SLC16A12: variants seen among roughly 807,000 people sequenced by gnomAD.
SLC16A12 encodes solute carrier family 16 member 12, also known as monocarboxylate transporter 12.
In SLC16A12, 17 loss-of-function variants were observed where a neutral mutation model predicts 42.4. The ratio of observed to expected loss-of-function variants is 0.40; its 90% CI spans 0.27 to 0.60. The LOEUF (loss-of-function observed/expected upper bound fraction) is 0.60, where lower values mean the gene tolerates loss of function less well. SLC16A12 is among the 20% of genes least tolerant of loss of function. The probability of loss-of-function intolerance (pLI) is 0.42; values close to 1 mark genes in which losing one functional copy is unlikely to be tolerated. For synonymous variants in SLC16A12, 224 were observed against 229.4 expected, an observed-to-expected ratio of 0.98 and a Z score of 0.21; for missense variants, 544 against 623.0, an observed-to-expected ratio of 0.87 and a Z score of 1.35.
intron 5 of SLC16A12, among the ~76,000 whole-genome samples, chr10:89,439,884 C>A (rs1841874822): frequency 1.3e-5 from 2 of 151,082 alleles, no homozygotes; most frequent in Non-Finnish European, 3.0e-5. Context: ...CCAGCCTGGG[C>A]AATATGGCAA....
chr10:89,497,664 A>G (rs1002977037), intron 2 of SLC16A12, among the ~76,000 whole-genome samples: 1 of 152,176 alleles, frequency 6.6e-6, no homozygotes, highest in Non-Finnish European at 1.5e-5. Flanking sequence ...AATCTAGCAT[A>G]CATCCTCATC....
At chr10:89,518,260 A>G (rs1589722064) in intron 2 of SLC16A12, among the ~76,000 whole-genome samples, 1 of 152,308 alleles carries the variant, frequency 6.6e-6, no homozygotes. Context: ...CTCCTTTCCC[A>G]AAAGGTTGGC....
chr10:89,550,102 T>C (rs924866948), intron 2 of SLC16A12, among the ~76,000 whole-genome samples: 14 of 152,168 alleles, frequency 9.2e-5, no homozygotes, highest in African/African-American at 3.4e-4. Flanking sequence ...CCATCTGCAC[T>C]GTGACAACAT....
intron 4 of SLC16A12, among the ~76,000 whole-genome samples, chr10:89,441,694 AGG>A (rs987494562): frequency 1.3e-5 from 2 of 152,206 alleles, no homozygotes; most frequent in Non-Finnish European, 2.9e-5. Flanking sequence ...GTAAAAGACC[AGG>A]GAGAGAGATC....
intron 2 of SLC16A12, among the ~76,000 whole-genome samples, chr10:89,555,366 T>C (rs1278146726): frequency 6.6e-6 from 1 of 151,634 alleles, no homozygotes; most frequent in Non-Finnish European, 1.5e-5. Flanking sequence ...TAAATTGCAT[T>C]GGTTTAAATG....
At chr10:89,520,720 CAAAAAAA>C (rs10712043) in intron 2 of SLC16A12, among the ~76,000 whole-genome samples, 2 of 100,128 alleles carry the variant, frequency 2.0e-5, no homozygotes, top group African/African-American at 4.0e-5. Flanking sequence ...TCACATAGGC[CAAAAAAA>C]AAAAAAAAAA....
intron 2 of SLC16A12, among the ~76,000 whole-genome samples, chr10:89,484,668 C>A (rs931498742): frequency 2.0e-5 from 3 of 152,146 alleles, no homozygotes; most frequent in Non-Finnish European, 4.4e-5. Flanking sequence ...AGCTCCGAAG[C>A]CTGTGCTCTT....
chr10:89,498,314 A>G (rs1472460165), intron 2 of SLC16A12, among the ~76,000 whole-genome samples: 1 of 152,192 alleles, frequency 6.6e-6, no homozygotes, highest in East Asian at 1.9e-4. Context: ...CCTGGTTAAC[A>G]AAAAGAGACT....
At chr10:89,476,018 G>A (rs569058156) in intron 2 of SLC16A12, among the ~76,000 whole-genome samples, 6 of 152,204 alleles carry the variant, frequency 3.9e-5, no homozygotes, top group Non-Finnish European at 8.8e-5. Context: ...ATTTTCTGCA[G>A]TAATAGGGTT....
intron 2 of SLC16A12, among the ~76,000 whole-genome samples, chr10:89,480,535 AAAGT>A (rs1453834966): frequency 1.3e-5 from 2 of 152,222 alleles, no homozygotes; most frequent in Non-Finnish European, 2.9e-5. Context: ...TCCAAACTAA[AAAGT>A]AAGAGACTGT....
chr10:89,516,022 T>C (rs1313075268), intron 2 of SLC16A12, among the ~76,000 whole-genome samples: 2 of 152,184 alleles, frequency 1.3e-5, no homozygotes, highest in Admixed American at 1.3e-4. Flanking sequence ...GTAAATCTTA[T>C]GTATGCAGAA....
chr10:89,439,979 G>C (rs931655498), intron 5 of SLC16A12, among the ~76,000 whole-genome samples: 1 of 151,030 alleles, frequency 6.6e-6, no homozygotes, highest in African/African-American at 2.4e-5. Flanking sequence ...GGAGGCTGAA[G>C]GGGGAGGATG....
At chr10:89,539,678 C>T (rs554667150), upstream of SLC16A12, among the ~76,000 whole-genome samples, 1 of 152,266 alleles carries the variant, frequency 6.6e-6, no homozygotes, top group South Asian at 2.1e-4. Flanking sequence ...AGGATGAAAC[C>T]TTAAGGCTTT....
intron 2 of SLC16A12, chr10:89,468,237 C>A (rs1564579253): frequency 6.6e-6 from 1 of 152,146 alleles, no homozygotes; most frequent in Non-Finnish European, 1.5e-5. Context: ...TCATGGGACA[C>A]CAGGGTGGGG....
intron 2 of SLC16A12, among the ~76,000 whole-genome samples, chr10:89,518,377 C>T (rs902712563): frequency 6.6e-6 from 1 of 152,168 alleles, no homozygotes; most frequent in African/African-American, 2.4e-5. Context: ...CTGGAGAAGA[C>T]AAGTCGTGCC....
intron 2 of SLC16A12, among the ~76,000 whole-genome samples, chr10:89,492,426 T>TA (rs148324730): frequency 2.5e-4 from 37 of 148,610 alleles, no homozygotes; most frequent in South Asian, 1.7e-3. Flanking sequence ...AAAGGACTTG[T>TA]AAAAAAAAAA....
At chr10:89,525,937 G>A (rs1372020097) in intron 2 of SLC16A12, among the ~76,000 whole-genome samples, 2 of 152,122 alleles carry the variant, frequency 1.3e-5, no homozygotes, top group Admixed American at 1.3e-4. Context: ...ATAATTTTAT[G>A]TCAAAAAATG....
intron 2 of SLC16A12, among the ~76,000 whole-genome samples, chr10:89,554,056 GAAAGAAAGAA>G (rs1843788474): frequency 1.0e-4 from 8 of 76,588 alleles, no homozygotes; most frequent in Middle Eastern, 4.8e-3. Flanking sequence ...AAGAAAGAAA[GAAAGAAAGAA>G]AGAAAGAAAG....
chr10:89,481,554 CA>C (rs1325192318), intron 2 of SLC16A12, among the ~76,000 whole-genome samples: 6 of 151,428 alleles, frequency 4.0e-5, no homozygotes, highest in African/African-American at 1.5e-4. Flanking sequence ...CCCAAGAAGC[CA>C]AAAACAAGAA....
Sources: gnomAD v4.1 joint callset for allele counts (sites outside exome capture counted in the v4.1 genomes callset) on GRCh38, gnomAD v4.1.1 for gene constraint, MANE v1.5 for transcripts, NCBI Gene and HGNC (gene_info 2026-07-23, HGNC 2026-07-21) for gene names.